PRKN: variants seen among roughly 807,000 people sequenced by gnomAD.
The protein encoded by PRKN is parkin RBR E3 ubiquitin protein ligase.
PRKN carries 56 observed loss-of-function variants against 59.5 expected under a neutral mutation model. That is an observed-to-expected ratio of 0.94 (90% confidence interval 0.76 to 1.18). PRKN has a LOEUF of 1.18. Ranked by LOEUF, PRKN falls within the 50% of genes most tolerant of loss-of-function variation. The pLI, the probability that PRKN is intolerant of heterozygous loss-of-function variation, is 0.00. For synonymous variants in PRKN, 250 were observed against 222.1 expected (o/e 1.13, Z -1.12); for missense variants, 657 against 596.4 (o/e 1.10, Z -1.06).
In PRKN at chr6:162,015,356, GAT is replaced by G. The variant is rs549694407; in HGVS notation, c.618+38733_618+38734del. Among the ~76,000 whole-genome samples, 168 of 152,292 alleles carry G rather than the reference GAT, an allele frequency of 1.1e-3. 1 individual carries two copies. The highest frequency in any genetic ancestry group is 5.8e-3 in the South Asian group (28 of 4,826). On this transcript the variant is annotated intron_variant, in intron 5 of 11. Coordinates refer to ENST00000366898, the MANE Select transcript of PRKN (RefSeq NM_004562.3). ...AACAAGTATATGGGCTAAGGATGAT[GAT>G]CAGAAACTAGAGAAAAAAAGAGCTA...
At chr6:162,100,285 C>T (rs548140162) in intron 4 of PRKN, among the ~76,000 whole-genome samples, 4 of 152,230 alleles carry the variant, frequency 2.6e-5, no homozygotes, top group African/African-American at 7.2e-5. Flanking sequence ...CCTTTGGATA[C>T]GTACCCAGAA....
intron 1 of PRKN, among the ~76,000 whole-genome samples, chr6:162,662,150 G>T (rs957259098): frequency 6.6e-6 from 1 of 151,862 alleles, no homozygotes; most frequent in Admixed American, 6.6e-5. Flanking sequence ...GGGATTGCTG[G>T]ATCGAATGAT....
intron 7 of PRKN, among the ~76,000 whole-genome samples, chr6:161,725,170 A>G (rs986353360): frequency 6.6e-6 from 1 of 152,228 alleles, no homozygotes; most frequent in Non-Finnish European, 1.5e-5. Context: ...ACCCAGCCTC[A>G]GGTATTTCTT....
intron 2 of PRKN, among the ~76,000 whole-genome samples, chr6:162,310,450 C>T (rs373430918): frequency 5.8e-4 from 88 of 152,222 alleles, no homozygotes; most frequent in African/African-American, 1.9e-3. Flanking sequence ...GGAAAGCAGG[C>T]GGCCTGCAGC....
intron 2 of PRKN, among the ~76,000 whole-genome samples, chr6:162,327,226 G>A (rs1441011467): frequency 6.6e-6 from 1 of 152,164 alleles, no homozygotes. Context: ...AATATATGAG[G>A]TGTGAGTTAT....
chr6:162,346,760 A>C (rs1242837702), intron 2 of PRKN, among the ~76,000 whole-genome samples: 1 of 152,194 alleles, frequency 6.6e-6, no homozygotes, highest in Non-Finnish European at 1.5e-5. Flanking sequence ...TAATCTGTCA[A>C]TATGGTAAAT....
At chr6:162,229,448 T>G (rs957264308) in intron 3 of PRKN, among the ~76,000 whole-genome samples, 1 of 152,180 alleles carries the variant, frequency 6.6e-6, no homozygotes, top group Non-Finnish European at 1.5e-5. Flanking sequence ...TGGAATCCAT[T>G]ACCTGCATCC....
intron 7 of PRKN, among the ~76,000 whole-genome samples, chr6:161,620,068 C>T (rs1454251377): frequency 7.3e-6 from 1 of 137,430 alleles, no homozygotes; most frequent in Non-Finnish European, 1.5e-5. Flanking sequence ...CAGCTCACTG[C>T]AACCTCCACC....
chr6:162,585,249 T>C (rs929223564), intron 1 of PRKN, among the ~76,000 whole-genome samples: 7 of 152,038 alleles, frequency 4.6e-5, no homozygotes. Context: ...ATTTTTATCG[T>C]AAGTACTTTT....
At chr6:162,483,716 A>G (rs1395154231) in intron 1 of PRKN, among the ~76,000 whole-genome samples, 1 of 152,238 alleles carries the variant, frequency 6.6e-6, no homozygotes, top group Non-Finnish European at 1.5e-5. Flanking sequence ...CAAGTTGGAC[A>G]GCTCTATCAA....
intron 3 of PRKN, among the ~76,000 whole-genome samples, chr6:162,211,459 A>G (rs930972307): frequency 6.6e-6 from 1 of 152,338 alleles, no homozygotes; most frequent in South Asian, 2.1e-4. Flanking sequence ...CTGAGAATCA[A>G]TACAATTTCT....
intron 7 of PRKN, among the ~76,000 whole-genome samples, chr6:161,629,545 A>G (rs1783217957): frequency 6.6e-6 from 1 of 152,078 alleles, no homozygotes; most frequent in Admixed American, 6.5e-5. Flanking sequence ...GTGAAGTCAG[A>G]TTATCCAGTG....
At chr6:162,029,635 T>A (rs543529993) in intron 5 of PRKN, among the ~76,000 whole-genome samples, 1 of 152,326 alleles carries the variant, frequency 6.6e-6, no homozygotes, top group East Asian at 1.9e-4. Flanking sequence ...GGATTTTGCC[T>A]CATCCTTTAT....
chr6:161,853,045 T>C (rs1438990858), intron 6 of PRKN, among the ~76,000 whole-genome samples: 1 of 152,214 alleles, frequency 6.6e-6, no homozygotes, highest in Non-Finnish European at 1.5e-5. Flanking sequence ...TAAAACAATA[T>C]ATATTTGATG....
chr6:162,194,243 T>C lies in PRKN; in HGVS notation c.534+6888A>G, dbSNP rs972860898. Among the ~76,000 whole-genome samples, 4 of 152,234 alleles carry C rather than the reference T, an allele frequency of 2.6e-5. No individual in the cohort carries two copies. In the East Asian group the frequency reaches 7.7e-4, roughly 29 times the overall value. ...AACAAATTGATCATTCATTAAAATC[T>C]GCTAAGAAATTATTGACCATTTTGA... On this transcript the variant is annotated intron_variant, in intron 4 of 11. Coordinates refer to ENST00000366898, the MANE Select transcript of PRKN (RefSeq NM_004562.3).
At chr6:161,374,584 G>GT (rs1562403612) in intron 10 of PRKN, among the ~76,000 whole-genome samples, 1 of 5,118 alleles carries the variant, frequency 2.0e-4, no homozygotes, top group African/African-American at 6.8e-4. Context: ...ATGGGTGTGT[G>GT]GTGCATGTGT....
intron 5 of PRKN, among the ~76,000 whole-genome samples, chr6:161,989,229 T>G (rs538763815): frequency 6.6e-6 from 1 of 152,094 alleles, no homozygotes; most frequent in African/African-American, 2.4e-5. Context: ...CACTTTGAAA[T>G]AAACACTTAC....
chr6:161,369,912 A>G lies in PRKN; in HGVS notation c.1168-9707T>C. The stretch of plus-strand genomic sequence containing the variant: ...GATCGTCCATCTGTGGCTCAAGAGG[A>G]ATAACCTCACAAGGGTCATCGTGAG... On this transcript the variant is annotated intron_variant, in intron 10 of 11. Coordinates refer to ENST00000366898, the MANE Select transcript of PRKN (RefSeq NM_004562.3). The surrounding 1 kb of genome is among the most constrained non-coding windows in gnomAD (Gnocchi z 5.8). 1 of 389,340 alleles carries G rather than the reference A, an allele frequency of 2.6e-6. No individual in the cohort carries two copies. The highest frequency in any genetic ancestry group is 5.6e-6 in the Non-Finnish European group (1 of 178,630). The allele number at this position is 389,340 out of a possible 1,614,324, so 24.1% of individuals were successfully genotyped here. A position where few individuals can be genotyped will look rare whatever the true frequency, so the allele number is the denominator to read the frequency against.
At position 161,385,723 on chromosome 6, in the gene PRKN, G is replaced by T. The variant is rs1786211566; in HGVS notation, c.1167+1071C>A. 6.6e-6 allele frequency among the ~76,000 whole-genome samples: 1 copy of T among 152,118 alleles called. No individual in the cohort carries two copies. Among genetic ancestry groups the T allele is most frequent in the African/African-American group, 2.4e-5 (1 of 41,424 alleles). ...TCCATTACAGCGGTCCTGAGGCAGG[G>T]GTCTCTGGGCCATTATTGCTTTTGC... On this transcript the variant is annotated intron_variant, in intron 10 of 11. Coordinates refer to ENST00000366898, the MANE Select transcript of PRKN (RefSeq NM_004562.3). This position sits in a 1 kb window ranked among gnomAD's most constrained non-coding sequence, Gnocchi z 4.9.
Sources: gnomAD v4.1 joint callset for allele counts (sites outside exome capture counted in the v4.1 genomes callset) on GRCh38, gnomAD v4.1.1 for gene constraint, Gnocchi (gnomAD v3.1) non-coding constraint, MANE v1.5 for transcripts, NCBI Gene and HGNC (gene_info 2026-07-23, HGNC 2026-07-21) for gene names.